ULK4: variants seen among roughly 807,000 people sequenced by gnomAD.
ULK4 encodes the protein unc-51 like kinase 4.
Under a neutral mutation model 160.6 loss-of-function variants are expected in ULK4, and 133 were observed. The ratio of observed to expected loss-of-function variants is 0.83; its 90% confidence interval spans 0.72 to 0.96. The LOEUF is 0.96. Among genes scored for constraint, ULK4 ranks in the 40% least tolerant of loss-of-function variants. The probability of loss-of-function intolerance (pLI) is 0.00; values close to 1 mark genes in which losing one functional copy is unlikely to be tolerated. For synonymous variants in ULK4, 534 were observed against 539.8 expected (o/e 0.99, Z 0.15); for missense variants, 1,580 against 1,499.5 (o/e 1.05, Z -0.89).
chr3:41,447,803 G>T (rs1243442528), intron 34 of ULK4, among the ~76,000 whole-genome samples: 1 of 152,100 alleles, frequency 6.6e-6, no homozygotes, highest in Non-Finnish European at 1.5e-5. Context: ...TCAAAGATAG[G>T]GTTTGGGTTG....
intron 21 of ULK4, among the ~76,000 whole-genome samples, chr3:41,756,014 G>C (rs2038788759): frequency 6.6e-6 from 1 of 152,100 alleles, no homozygotes; most frequent in Admixed American, 6.6e-5. Context: ...CAGAGAGAGA[G>C]ACAAATTATA....
chr3:41,815,948 G>T (rs2040950734), intron 19 of ULK4, among the ~76,000 whole-genome samples: 1 of 152,012 alleles, frequency 6.6e-6, no homozygotes, highest in African/African-American at 2.4e-5. Context: ...AATCATAAAG[G>T]AATAGATAAA....
At chr3:41,661,630 C>T (rs1290786375) in intron 30 of ULK4, among the ~76,000 whole-genome samples, 1 of 151,976 alleles carries the variant, frequency 6.6e-6, no homozygotes, top group East Asian at 1.9e-4. Flanking sequence ...CAATTACTAC[C>T]CCTAGGGGAG....
At chr3:41,959,745 G>A (rs577381978) in intron 1 of ULK4, among the ~76,000 whole-genome samples, 1 of 151,738 alleles carries the variant, frequency 6.6e-6, no homozygotes, top group African/African-American at 2.4e-5. Flanking sequence ...AGACCAGCCT[G>A]GGCAACATGG....
chr3:41,542,607 C>CT (rs1477019582), intron 32 of ULK4, among the ~76,000 whole-genome samples: 1 of 152,278 alleles, frequency 6.6e-6, no homozygotes, highest in African/African-American at 2.4e-5. Context: ...ACAAGCTCCT[C>CT]TTTGTACCTC....
intron 19 of ULK4, among the ~76,000 whole-genome samples, chr3:41,809,327 A>C (rs1447821534): frequency 6.6e-6 from 1 of 152,188 alleles, no homozygotes; most frequent in Admixed American, 6.5e-5. Flanking sequence ...GCAAGAAATG[A>C]AAATCCTATG....
chr3:41,251,108 G>C (rs973552404), intron 35 of ULK4: 1 of 152,198 alleles, frequency 6.6e-6, no homozygotes, highest in Admixed American at 6.5e-5. Context: ...ATCAGAAGAT[G>C]ACTTTCATCC....
chr3:41,417,711 G>T (rs62259303), intron 34 of ULK4, among the ~76,000 whole-genome samples: 40,228 of 152,034 alleles, frequency 0.26, 5,622 homozygotes, highest in South Asian at 0.39. Flanking sequence ...TTTAAGAGCT[G>T]ATACCAGAAC....
chr3:41,736,460 T>G (rs772847106), intron 22 of ULK4, among the ~76,000 whole-genome samples: 17 of 152,166 alleles, frequency 1.1e-4, no homozygotes, highest in Non-Finnish European at 2.4e-4. Context: ...GAGCATTTTT[T>G]CATGTGTGTT....
At chr3:41,553,254 G>A (rs1290819335) in intron 32 of ULK4, among the ~76,000 whole-genome samples, 2 of 151,792 alleles carry the variant, frequency 1.3e-5, no homozygotes, top group South Asian at 2.1e-4. Flanking sequence ...TAGACAAATG[G>A]GACTATATTA....
intron 35 of ULK4, among the ~76,000 whole-genome samples, chr3:41,371,649 A>G (rs543292997): frequency 6.6e-6 from 1 of 152,338 alleles, no homozygotes; most frequent in African/African-American, 2.4e-5. Flanking sequence ...AAGGTCACCA[A>G]TAGCAAAGAC....
In ULK4 at chr3:41,506,767, A is replaced by AATATATATATATAT. The variant is rs71075470; in HGVS notation, c.3227-43528_3227-43515dup. Among the ~76,000 whole-genome samples the AATATATATATATAT allele has an allele frequency of 4.8e-3, 273 of 56,724 alleles. 16 individuals are homozygous for AATATATATATATAT. The highest frequency in any genetic ancestry group is 0.013 in the African/African-American group (154 of 12,212). The allele number at this position is 56,724 out of a possible 152,430, so 37.2% of individuals were successfully genotyped here. A position where few individuals can be genotyped will look rare whatever the true frequency, so the allele number is the denominator to read the frequency against. On this transcript the variant is annotated intron_variant, in intron 32 of 36. Coordinates refer to ENST00000301831, the MANE Select transcript of ULK4 (RefSeq NM_017886.4). ...AGCAATACACTGGAGTGTGATTTAA[A>AATATATATATATAT]ATATATATATATATATATATATATA...
At chr3:41,371,860 A>G (rs182782838) in intron 35 of ULK4, among the ~76,000 whole-genome samples, 2 of 152,090 alleles carry the variant, frequency 1.3e-5, no homozygotes, top group African/African-American at 2.4e-5. Context: ...GCTAAAGAGC[A>G]TCTTCTAGCC....
intron 30 of ULK4, among the ~76,000 whole-genome samples, chr3:41,636,185 A>C (rs545417033): frequency 6.6e-6 from 1 of 152,220 alleles, no homozygotes; most frequent in South Asian, 2.1e-4. Flanking sequence ...AGGAGGAAAT[A>C]AGGTTGTGCC....
chr3:41,824,282 C>A (rs904797574), intron 18 of ULK4, among the ~76,000 whole-genome samples: 8 of 151,772 alleles, frequency 5.3e-5, no homozygotes, highest in African/African-American at 1.9e-4. Flanking sequence ...ACTGAGGTAC[C>A]AGGTTCATCT....
intron 7 of ULK4, among the ~76,000 whole-genome samples, chr3:41,918,070 C>T (rs1206928787): frequency 6.6e-6 from 1 of 152,036 alleles, no homozygotes; most frequent in Non-Finnish European, 1.5e-5. Context: ...CATTCTGATT[C>T]ATCAAGATAA....
At chr3:41,817,597 A>C (rs1331132071) in intron 19 of ULK4, among the ~76,000 whole-genome samples, 1 of 151,972 alleles carries the variant, frequency 6.6e-6, no homozygotes, top group African/African-American at 2.4e-5. Context: ...AAAGAAGGAA[A>C]CAACAGACAC....
At chr3:41,922,616 G>A (rs2148815168) in intron 5 of ULK4, among the ~76,000 whole-genome samples, 1 of 151,574 alleles carries the variant, frequency 6.6e-6, no homozygotes, top group South Asian at 2.1e-4. Context: ...TAAGGGGTGA[G>A]GGGGGTGGCA....
At chr3:41,649,523 C>T (rs1470798343) in intron 30 of ULK4, among the ~76,000 whole-genome samples, 1 of 152,214 alleles carries the variant, frequency 6.6e-6, no homozygotes, top group Non-Finnish European at 1.5e-5. Flanking sequence ...TCCCCCTGCT[C>T]CTGGCACCTC....
Sources: gnomAD v4.1 joint callset for allele counts (sites outside exome capture counted in the v4.1 genomes callset) on GRCh38, gnomAD v4.1.1 for gene constraint, MANE v1.5 for transcripts, NCBI Gene and HGNC (gene_info 2026-07-23, HGNC 2026-07-21) for gene names.